The following CTNNA2 variants were observed in gnomAD, a reference collection of about 807,000 sequenced individuals.
CTNNA2 encodes catenin alpha 2, also known as catenin alpha-2.
In CTNNA2, 42 loss-of-function variants were observed where a neutral mutation model predicts 101.0. That is an observed-to-expected ratio of 0.42 (90% CI 0.32 to 0.54). The LOEUF (loss-of-function observed/expected upper bound fraction) is 0.54. CTNNA2 is among the 20% of genes least tolerant of loss of function. The pLI is 0.14. For synonymous variants in CTNNA2, 450 were observed against 456.4 expected (o/e 0.99, Z 0.18); for missense variants, 871 against 1,223.1 (o/e 0.71, Z 4.29).
chr2:79,928,858 T>C (rs547177470), intron 7 of CTNNA2, among the ~76,000 whole-genome samples: 2 of 152,340 alleles, frequency 1.3e-5, no homozygotes, highest in African/African-American at 4.8e-5. Flanking sequence ...AAAAAAATGT[T>C]AATAGTTACC....
At chr2:80,528,684 TA>T (rs1558552022) in intron 9 of CTNNA2, among the ~76,000 whole-genome samples, 2 of 151,738 alleles carry the variant, frequency 1.3e-5, no homozygotes, top group African/African-American at 4.8e-5. Context: ...ACCAAAAAAA[TA>T]AATAAATAAA....
chr2:79,340,509 G>T (rs1677103784), intron 3 of CTNNA2, among the ~76,000 whole-genome samples: 1 of 152,014 alleles, frequency 6.6e-6, no homozygotes. Flanking sequence ...TGAAGGAAGT[G>T]GTAGCCAGAG....
chr2:79,243,896 T>G (rs1674665362), intron 2 of CTNNA2, among the ~76,000 whole-genome samples: 1 of 152,192 alleles, frequency 6.6e-6, no homozygotes, highest in Admixed American at 6.5e-5. Flanking sequence ...AAATTTGTTT[T>G]GTCTCTGATA....
chr2:79,901,203 T>C (rs1367567901), intron 6 of CTNNA2, among the ~76,000 whole-genome samples: 1 of 151,310 alleles, frequency 6.6e-6, no homozygotes, highest in African/African-American at 2.4e-5. Context: ...ATGTTAACTT[T>C]CTCTTTCAGT....
chr2:80,108,141 A>T (rs184716531), intron 7 of CTNNA2, among the ~76,000 whole-genome samples: 1 of 152,196 alleles, frequency 6.6e-6, no homozygotes. Flanking sequence ...CAAGCAGAGT[A>T]AAAAACCAAA....
chr2:79,768,229 C>A (rs1024698222), intron 3 of CTNNA2, among the ~76,000 whole-genome samples: 1 of 151,600 alleles, frequency 6.6e-6, no homozygotes, highest in Non-Finnish European at 1.5e-5. Context: ...TTTCCCAGTG[C>A]CAGAGGTGCT....
At chr2:79,892,338 A>G (rs1684368079) in intron 6 of CTNNA2, among the ~76,000 whole-genome samples, 1 of 152,176 alleles carries the variant, frequency 6.6e-6, no homozygotes, top group African/African-American at 2.4e-5. Context: ...AGTCATGGCC[A>G]TGAAACATTG....
At chr2:79,888,812 A>G (rs1311585869) in intron 6 of CTNNA2, among the ~76,000 whole-genome samples, 1 of 152,178 alleles carries the variant, frequency 6.6e-6, no homozygotes, top group Non-Finnish European at 1.5e-5. Context: ...AAATATAATA[A>G]TGAATACTGA....
At chr2:79,506,348 G>A (rs745316873) in intron 5 of CTNNA2, among the ~76,000 whole-genome samples, 6 of 151,722 alleles carry the variant, frequency 4.0e-5, no homozygotes, top group African/African-American at 7.3e-5. Flanking sequence ...CTTCAACCAC[G>A]TCCAAGCTGA....
chr2:80,581,980 C>T (rs2149719304), intron 14 of CTNNA2, among the ~76,000 whole-genome samples, 161 bp downstream of exon 14: 1 of 152,298 alleles, frequency 6.6e-6, no homozygotes, highest in African/African-American at 2.4e-5. Context: ...ACATTTTACA[C>T]AGTGAAAATA....
intron 2 of CTNNA2, among the ~76,000 whole-genome samples, chr2:79,210,679 T>C (rs1204599987): frequency 6.6e-6 from 1 of 152,142 alleles, no homozygotes; most frequent in Non-Finnish European, 1.5e-5. Flanking sequence ...TTGCAGAGTG[T>C]CTACTCTAGT....
intron 4 of CTNNA2, among the ~76,000 whole-genome samples, chr2:79,858,736 G>T (rs1005789502): frequency 2.3e-4 from 35 of 152,072 alleles, no homozygotes; most frequent in African/African-American, 7.7e-4. Context: ...ACCAAGCCTG[G>T]CATCTAACAT....
chr2:80,114,453 G>C (rs1701401628), intron 7 of CTNNA2, among the ~76,000 whole-genome samples: 1 of 152,126 alleles, frequency 6.6e-6, no homozygotes, highest in Non-Finnish European at 1.5e-5. Flanking sequence ...CTTACTCTAA[G>C]CTTTTTACCC....
intron 7 of CTNNA2, among the ~76,000 whole-genome samples, chr2:80,325,842 C>T (rs1406631640): frequency 6.6e-6 from 1 of 152,190 alleles, no homozygotes; most frequent in East Asian, 1.9e-4. Context: ...AGCCCATCCT[C>T]CCTAGCATTT....
intron 7 of CTNNA2, among the ~76,000 whole-genome samples, chr2:80,283,902 G>A (rs569055126): frequency 6.6e-6 from 1 of 152,062 alleles, no homozygotes; most frequent in South Asian, 2.1e-4. Context: ...GAAGGAGGAG[G>A]GAAAGAAAAG....
intron 7 of CTNNA2, among the ~76,000 whole-genome samples, chr2:79,975,975 G>A (rs1384903054): frequency 6.6e-6 from 1 of 152,098 alleles, no homozygotes; most frequent in Non-Finnish European, 1.5e-5. Flanking sequence ...TGGGGGTTGG[G>A]GCTGAAACTC....
At chr2:79,474,530 C>T (rs968049098) in intron 4 of CTNNA2, among the ~76,000 whole-genome samples, 3 of 152,030 alleles carry the variant, frequency 2.0e-5, no homozygotes, top group Non-Finnish European at 4.4e-5. Flanking sequence ...GAAATTTACA[C>T]CACAAGGTAA....
At chr2:80,154,542 G>GAAAATA (rs201876194) in intron 7 of CTNNA2, among the ~76,000 whole-genome samples, 2,631 of 152,284 alleles carry the variant, frequency 0.017, 80 homozygotes, top group African/African-American at 0.059. Flanking sequence ...AATTTTCTTA[G>GAAAATA]GGACAGAAAG....
intron 9 of CTNNA2, among the ~76,000 whole-genome samples, chr2:80,468,429 T>A (rs1419872098): frequency 7.2e-6 from 1 of 139,280 alleles, no homozygotes; most frequent in Non-Finnish European, 1.5e-5. Flanking sequence ...TATTTATTTA[T>A]TTTTTTTGAG....
Sources: gnomAD v4.1 joint callset for allele counts (sites outside exome capture counted in the v4.1 genomes callset) on GRCh38, gnomAD v4.1.1 for gene constraint, MANE v1.5 for transcripts, NCBI Gene and HGNC (gene_info 2026-07-23, HGNC 2026-07-21) for gene names.